The following CDK14 variants were observed in gnomAD, a reference collection of about 807,000 sequenced individuals.
The protein encoded by CDK14 is cyclin-dependent kinase 14.
CDK14 carries 34 observed loss-of-function variants against 60.7 expected under a neutral mutation model. That is an observed-to-expected ratio of 0.56 (90% CI 0.43 to 0.75). The LOEUF (loss-of-function observed/expected upper bound fraction) is 0.75. CDK14 is among the 30% of genes least tolerant of loss of function. The probability of loss-of-function intolerance (pLI) is 0.00; values close to 1 mark genes in which losing one functional copy is unlikely to be tolerated. For synonymous variants in CDK14, 197 were observed against 203.7 expected, an observed-to-expected ratio of 0.97 and a Z score of 0.28; for missense variants, 482 against 564.1, an observed-to-expected ratio of 0.85 and a Z score of 1.47.
At chr7:90,652,901 C>G (rs759959722) in intron 2 of CDK14, among the ~76,000 whole-genome samples, 1 of 152,132 alleles carries the variant, frequency 6.6e-6, no homozygotes, top group Non-Finnish European at 1.5e-5. Context: ...TTGCATACAG[C>G]TGTGTCTTTG....
intron 2 of CDK14, among the ~76,000 whole-genome samples, chr7:90,642,200 G>A (rs1180269832): frequency 6.6e-6 from 1 of 152,192 alleles, no homozygotes; most frequent in East Asian, 1.9e-4. Flanking sequence ...AAGAAATAAT[G>A]TAATAGTTTC....
chr7:91,058,027 C>G (rs533414012), intron 11 of CDK14, among the ~76,000 whole-genome samples: 10 of 152,048 alleles, frequency 6.6e-5, no homozygotes, highest in Admixed American at 2.0e-4. Flanking sequence ...ATTGATTCTT[C>G]CTACCCATGA....
intron 8 of CDK14, among the ~76,000 whole-genome samples, chr7:90,942,116 G>A (rs1213244804): frequency 6.6e-6 from 1 of 152,186 alleles, no homozygotes; most frequent in African/African-American, 2.4e-5. Flanking sequence ...TAGAGGATCA[G>A]TCTCAGTGTG....
At chr7:91,175,700 A>C (rs1392389297) in intron 14 of CDK14, among the ~76,000 whole-genome samples, 2 of 150,590 alleles carry the variant, frequency 1.3e-5, no homozygotes, top group Non-Finnish European at 3.0e-5. Context: ...CAAAGATCAA[A>C]AGAGACAAAG....
rs188024548 is a variant in CDK14 at position 91,093,735 on chromosome 7, C to T, written c.1154+14255C>T. 3.3e-5 allele frequency among the ~76,000 whole-genome samples: 5 copies of T among 152,188 alleles called. No individual in the cohort carries two copies. The East Asian group carries it at 9.6e-4, about 29-fold the overall frequency. ...ATGGCATATGCACTCACATGTTCAT[C>T]GTAGCACTGTTCACAATAGCAAATA... On this transcript the variant is annotated intron_variant, in intron 12 of 14. Coordinates refer to ENST00000380050, the MANE Select transcript of CDK14 (RefSeq NM_001287135.2).
intron 14 of CDK14, among the ~76,000 whole-genome samples, chr7:91,165,275 G>T (rs989020823): frequency 6.6e-6 from 1 of 152,132 alleles, no homozygotes; most frequent in Non-Finnish European, 1.5e-5. Context: ...AGTCAACAGC[G>T]TACATCTAAT....
chr7:90,633,438 T>G (rs1264589128), intron 2 of CDK14, among the ~76,000 whole-genome samples: 1 of 152,352 alleles, frequency 6.6e-6, no homozygotes, highest in East Asian at 1.9e-4. Context: ...GTCAGTGGTG[T>G]TAACTAGTTT....
intron 2 of CDK14, among the ~76,000 whole-genome samples, chr7:90,678,491 G>A (rs1801245692): frequency 6.6e-6 from 1 of 152,168 alleles, no homozygotes; most frequent in Non-Finnish European, 1.5e-5. Context: ...GGTGATGTCT[G>A]TGCTTATTCA....
chr7:90,680,389 T>G (rs1280314373), intron 2 of CDK14, among the ~76,000 whole-genome samples: 1 of 152,226 alleles, frequency 6.6e-6, no homozygotes, highest in Non-Finnish European at 1.5e-5. Flanking sequence ...TTATTTGGTA[T>G]AATTAAATTT....
chr7:90,696,630 G>A (rs756123011), intron 2 of CDK14, among the ~76,000 whole-genome samples: 10 of 152,114 alleles, frequency 6.6e-5, no homozygotes, highest in Non-Finnish European at 1.3e-4. Flanking sequence ...TGTCACATAA[G>A]TATTTGGATA....
At chr7:90,606,285 A>G (rs1023072385) in intron 2 of CDK14, among the ~76,000 whole-genome samples, 4 of 152,200 alleles carry the variant, frequency 2.6e-5, no homozygotes, top group African/African-American at 7.2e-5. Context: ...CCCCAATTCA[A>G]CTACCCTCTG....
chr7:90,839,674 A>C (rs3808240), intron 5 of CDK14, among the ~76,000 whole-genome samples: 14,394 of 152,284 alleles, frequency 0.095, 771 homozygotes, highest in South Asian at 0.11. Flanking sequence ...CACTTCTTCC[A>C]AATGGTATCA....
At chr7:91,156,199 T>C (rs1350855156) in intron 14 of CDK14, among the ~76,000 whole-genome samples, 1 of 152,198 alleles carries the variant, frequency 6.6e-6, no homozygotes. Flanking sequence ...TACAATTTGT[T>C]GTTTGTTTTT....
At position 91,027,679 on chromosome 7, in the gene CDK14, C is replaced by G. The variant is rs1796610781; in HGVS notation, c.1042-18218C>G. ...TGTTGCTGTTGTTGTTTTTCAATAG[C>G]TTTAGGGGTACAAGTGGTTTTTGGT... On this transcript the variant is annotated intron_variant, in intron 10 of 14. Transcript: ENST00000380050. 4.0e-5 allele frequency among the ~76,000 whole-genome samples: 6 copies of G among 151,294 alleles called. No homozygotes were observed. The South Asian group carries it at 1.3e-3, about 32-fold the overall frequency.
intron 14 of CDK14, among the ~76,000 whole-genome samples, chr7:91,203,280 C>T (rs1205031175): frequency 6.6e-6 from 1 of 152,156 alleles, no homozygotes; most frequent in African/African-American, 2.4e-5. Context: ...ATAGGGAACT[C>T]TACATATGAG....
At chr7:90,806,521 T>G (rs1423813797) in intron 5 of CDK14, among the ~76,000 whole-genome samples, 1 of 152,188 alleles carries the variant, frequency 6.6e-6, no homozygotes, top group Non-Finnish European at 1.5e-5. Context: ...ACAGCTCCAG[T>G]CTACAGCTCC....
At chr7:91,141,375 C>T (rs542388714) in intron 14 of CDK14, among the ~76,000 whole-genome samples, 5 of 152,248 alleles carry the variant, frequency 3.3e-5, no homozygotes, top group African/African-American at 1.2e-4. Flanking sequence ...AAGGGGCAAG[C>T]ATTAGGTGAG....
chr7:91,074,422 A>G (rs1798236508), intron 11 of CDK14, among the ~76,000 whole-genome samples: 1 of 152,220 alleles, frequency 6.6e-6, no homozygotes, highest in African/African-American at 2.4e-5. Flanking sequence ...AATGAAATTA[A>G]GGCAGAAATC....
chr7:90,966,533 G>A (rs3808267), intron 9 of CDK14, among the ~76,000 whole-genome samples: 113,517 of 151,988 alleles, frequency 0.75, 42,488 homozygotes, highest in East Asian at 0.78. Context: ...GGGAGCTGAT[G>A]GTCACATAGA....
Sources: gnomAD v4.1 joint callset for allele counts (sites outside exome capture counted in the v4.1 genomes callset) on GRCh38, gnomAD v4.1.1 for gene constraint, MANE v1.5 for transcripts, NCBI Gene and HGNC (gene_info 2026-07-23, HGNC 2026-07-21) for gene names.